The following CREB5 variants were observed in gnomAD, a reference collection of about 807,000 sequenced individuals.
CREB5 encodes cAMP responsive element binding protein 5.
Under a neutral mutation model 57.1 loss-of-function variants are expected in CREB5, and 19 were observed. The observed-to-expected ratio is 0.33, with a 90% CI of 0.23 to 0.49. The LOEUF (loss-of-function observed/expected upper bound fraction) is 0.49. Ranked by LOEUF, CREB5 falls within the 20% of genes least tolerant of loss-of-function variation. The probability of loss-of-function intolerance (pLI) is 0.99; values close to 1 mark genes in which losing one functional copy is unlikely to be tolerated. For synonymous variants in CREB5, 238 were observed against 238.3 expected (o/e 1.00, Z 0.01); for missense variants, 579 against 671.6 (o/e 0.86, Z 1.52).
intron 5 of CREB5, among the ~76,000 whole-genome samples, chr7:28,693,172 T>C (rs1327712204): frequency 6.6e-6 from 1 of 152,180 alleles, no homozygotes; most frequent in East Asian, 1.9e-4. Context: ...TCTGAATAAC[T>C]AAAATAGAAC....
intron 1 of CREB5, among the ~76,000 whole-genome samples, chr7:28,336,032 C>T (rs1006072482): frequency 2.6e-5 from 4 of 151,976 alleles, no homozygotes. Context: ...CATCCTTGTA[C>T]CCTGGAATAA....
rs527769761 is a variant in CREB5, at chr7:28,607,783, G to GT, written c.464+37247dup. The stretch of plus-strand genomic sequence containing the variant: ...TGTGTGTGTGTGTGTGTGTGTGTGT[G>GT]TGTGTGTGTGTTTTACCATGTGCAT... On this transcript the variant is annotated intron_variant, in intron 5 of 10. Coordinates refer to ENST00000357727, the MANE Select transcript of CREB5 (RefSeq NM_182898.4). Among the ~76,000 whole-genome samples the GT allele has an allele frequency of 3.4e-4, 31 of 91,982 alleles. No individual in the cohort carries two copies. The South Asian group carries it at 9.8e-3, about 29-fold the overall frequency. The allele number at this position is 91,982 out of a possible 152,430, so 60.3% of individuals were successfully genotyped here.
At position 28,790,329 on chromosome 7, in the gene CREB5, G is replaced by A. The variant is rs113714068; in HGVS notation, c.703-13870G>A. Among the ~76,000 whole-genome samples the A allele has an allele frequency of 6.6e-3, 1,010 of 152,172 alleles. 17 individuals are homozygous for A. Among genetic ancestry groups the A allele is most frequent in the African/African-American group, 0.023 (972 of 41,504 alleles). ...CCCTCCTTGGCAAAGCATGCAATAT[G>A]TGGTGTCTCACCAAGGAAGCTCAGT... On this transcript the variant is annotated intron_variant, in intron 7 of 10. Transcript: ENST00000357727.
upstream of CREB5, chr7:28,410,161 G>T (rs1313200954): frequency 9.7e-6 from 4 of 411,504 alleles, no homozygotes; most frequent in East Asian, 2.1e-4. Flanking sequence ...GTGGGCGCGC[G>T]CCCGGGGAGG....
At chr7:28,674,583 T>C (rs1800230080) in intron 5 of CREB5, among the ~76,000 whole-genome samples, 1 of 152,222 alleles carries the variant, frequency 6.6e-6, no homozygotes, top group African/African-American at 2.4e-5. Context: ...ACCAACCTGC[T>C]GAGCTCAGAT....
chr7:28,674,519 T>A (rs887484191), intron 5 of CREB5, among the ~76,000 whole-genome samples: 3 of 152,210 alleles, frequency 2.0e-5, no homozygotes, highest in African/African-American at 7.2e-5. Context: ...ACACTGCCTA[T>A]GGCCTTAAAG....
At chr7:28,659,069 C>T (rs2128711955) in intron 5 of CREB5, among the ~76,000 whole-genome samples, 1 of 150,040 alleles carries the variant, frequency 6.7e-6, no homozygotes, top group East Asian at 2.0e-4. Context: ...GGTCCTCTTC[C>T]TCAGAACACT....
intron 5 of CREB5, among the ~76,000 whole-genome samples, chr7:28,632,849 T>G (rs1045835648): frequency 6.6e-6 from 1 of 152,220 alleles, no homozygotes. Context: ...TTTAATTTTT[T>G]GTTTATCATC....
chr7:28,720,764 A>G (rs1050392566), intron 6 of CREB5, among the ~76,000 whole-genome samples: 2 of 152,152 alleles, frequency 1.3e-5, no homozygotes, highest in Non-Finnish European at 2.9e-5. Context: ...AACCCAACCA[A>G]CTACGTGAAG....
At chr7:28,512,903 A>T (rs1184744200) in intron 4 of CREB5, among the ~76,000 whole-genome samples, 1 of 152,226 alleles carries the variant, frequency 6.6e-6, no homozygotes, top group East Asian at 1.9e-4. Context: ...TCCTACCAAA[A>T]TGATTAAAAG....
chr7:28,628,204 C>A lies in CREB5; in HGVS notation c.464+57667C>A, dbSNP rs577189405. Among the ~76,000 whole-genome samples, 69 of 151,932 alleles carry A rather than the reference C, an allele frequency of 4.5e-4. 1 individual carries two copies. The Middle Eastern group carries it at 0.024, about 52-fold the overall frequency. ...CATATCTCTCGTCAGTCTTTAGGGT[C>A]TCGAGACCCTAAAGACTGACAGCAA... is the stretch of plus-strand genomic sequence containing the variant. On this transcript the variant is annotated intron_variant, in intron 5 of 10. Coordinates refer to ENST00000357727, the MANE Select transcript of CREB5 (RefSeq NM_182898.4).
intron 1 of CREB5, among the ~76,000 whole-genome samples, chr7:28,461,864 T>A (rs775400821): frequency 5.9e-5 from 9 of 151,702 alleles, no homozygotes; most frequent in Non-Finnish European, 1.2e-4. Context: ...ACTTGTAGTT[T>A]TATATATATA....
At chr7:28,774,398 C>T (rs1166606325) in intron 7 of CREB5, among the ~76,000 whole-genome samples, 1 of 152,156 alleles carries the variant, frequency 6.6e-6, no homozygotes, top group Non-Finnish European at 1.5e-5. Flanking sequence ...GGCCAAATAC[C>T]ATTCACAAAG....
intron 3 of CREB5, among the ~76,000 whole-genome samples, chr7:28,503,803 C>G (rs1792369602): frequency 6.6e-6 from 1 of 152,170 alleles, no homozygotes; most frequent in African/African-American, 2.4e-5. Flanking sequence ...CACAGTCCAG[C>G]ATCACCAGCC....
intron 1 of CREB5, among the ~76,000 whole-genome samples, chr7:28,395,836 T>G (rs1452598565): frequency 6.6e-6 from 1 of 151,870 alleles, no homozygotes; most frequent in Non-Finnish European, 1.5e-5. Flanking sequence ...GGCAAATTCC[T>G]CAGAAATCAG....
intron 1 of CREB5, among the ~76,000 whole-genome samples, chr7:28,397,044 A>C (rs1562690879): frequency 6.6e-6 from 1 of 152,244 alleles, no homozygotes; most frequent in Non-Finnish European, 1.5e-5. Flanking sequence ...TGTTCATAAC[A>C]ATGCCTAGCA....
At chr7:28,424,550 C>T (rs1455689988) in intron 1 of CREB5, among the ~76,000 whole-genome samples, 3 of 152,228 alleles carry the variant, frequency 2.0e-5, no homozygotes, top group Non-Finnish European at 4.4e-5. Context: ...AAAATAGATA[C>T]ATACATGTTG....
intron 5 of CREB5, among the ~76,000 whole-genome samples, chr7:28,572,838 G>A (rs1022727856): frequency 6.6e-6 from 1 of 152,154 alleles, no homozygotes; most frequent in Non-Finnish European, 1.5e-5. Context: ...TGGTATGGAC[G>A]CCTTTTGGAC....
intron 7 of CREB5, among the ~76,000 whole-genome samples, chr7:28,736,323 C>T (rs1281688525): frequency 2.0e-5 from 3 of 152,080 alleles, no homozygotes; most frequent in Non-Finnish European, 2.9e-5. Context: ...GCATGCACCA[C>T]CACGCCCGGC....
Sources: gnomAD v4.1 joint callset for allele counts (sites outside exome capture counted in the v4.1 genomes callset) on GRCh38, gnomAD v4.1.1 for gene constraint, MANE v1.5 for transcripts, NCBI Gene and HGNC (gene_info 2026-07-23, HGNC 2026-07-21) for gene names.